R3HDM2: variants seen among roughly 807,000 people sequenced by gnomAD.
R3HDM2 encodes R3H domain containing 2, also known as R3H domain-containing protein 2.
R3HDM2 carries 38 observed loss-of-function variants against 124.5 expected under a neutral mutation model. That is an observed-to-expected ratio of 0.31 (90% CI 0.24 to 0.40). The LOEUF (loss-of-function observed/expected upper bound fraction) is 0.40. Ranked by LOEUF, R3HDM2 falls within the 10% of genes least tolerant of loss-of-function variation. The pLI is 1.00. For synonymous variants in R3HDM2, 391 were observed against 448.0 expected, an observed-to-expected ratio of 0.87 and a Z score of 1.61; for missense variants, 869 against 1,236.9, an observed-to-expected ratio of 0.70 and a Z score of 4.46.
At chr12:57,289,939 G>A (rs1018094053) in intron 11 of R3HDM2, among the ~76,000 whole-genome samples, 2 of 152,180 alleles carry the variant, frequency 1.3e-5, no homozygotes, top group African/African-American at 4.8e-5. Context: ...GAGTATGATG[G>A]GCTTTGGCCA....
At chr12:57,272,559 G>T (rs578079404) in intron 14 of R3HDM2, 2 of 1,464,618 alleles carry the variant, frequency 1.4e-6, no homozygotes, top group South Asian at 1.3e-5. Context: ...GACTGGCTGT[G>T]GGCCAGCAGA....
At position 57,295,381 on chromosome 12, in the gene R3HDM2, C is replaced by G; in HGVS notation, c.810+18G>C. 2 of 1,515,362 alleles carry G rather than the reference C, an allele frequency of 1.3e-6. No individual in the cohort carries two copies. The highest frequency in any genetic ancestry group is 1.2e-5 in the South Asian group (1 of 83,338). The allele number at this position is 1,515,362 out of a possible 1,614,324, so 93.9% of individuals were successfully genotyped here. On this transcript the variant is annotated intron_variant, in intron 10 of 23. Transcript: ENST00000402412. ...ACTGCAAACTCTCTATATAGGCCCA[C>G]CCCTTTCCATTCTTCACCTGGTTAT...
At chr12:57,405,122 G>C (rs1400777320) in intron 1 of R3HDM2, among the ~76,000 whole-genome samples, 1 of 151,802 alleles carries the variant, frequency 6.6e-6, no homozygotes, top group African/African-American at 2.4e-5. Context: ...CAACCTCCTG[G>C]GCTCGAGTAA....
intron 3 of R3HDM2, 101 bp downstream of exon 3, chr12:57,310,163 T>C: frequency 1.2e-6 from 1 of 809,630 alleles, no homozygotes; most frequent in Non-Finnish European, 1.8e-6. Flanking sequence ...TGGGCCCTAA[T>C]TGTGCCACTG....
chr12:57,287,767 T>G (rs2047667447), intron 12 of R3HDM2, among the ~76,000 whole-genome samples: 1 of 152,174 alleles, frequency 6.6e-6, no homozygotes, highest in Non-Finnish European at 1.5e-5. Flanking sequence ...TTGGGAAGAA[T>G]ATACTTAAAA....
chr12:57,340,339 A>G (rs2136944266), intron 2 of R3HDM2, among the ~76,000 whole-genome samples: 1 of 152,292 alleles, frequency 6.6e-6, no homozygotes, highest in East Asian at 1.9e-4. Context: ...GTTTCCTGAA[A>G]AGCTAGCAAG....
intron 10 of R3HDM2, among the ~76,000 whole-genome samples, 197 bp from the exon 11 acceptor site, chr12:57,292,864 G>A (rs1013865608): frequency 6.6e-6 from 1 of 152,092 alleles, no homozygotes; most frequent in African/African-American, 2.4e-5. Flanking sequence ...AGGTTTTCTG[G>A]ATGGCTGGGG....
chr12:57,269,619 T>G, intron 15 of R3HDM2, 133 bp downstream of exon 15: 4 of 1,469,028 alleles, frequency 2.7e-6, no homozygotes, highest in Non-Finnish European at 3.7e-6. Flanking sequence ...GAAGACTTTC[T>G]GGCTAGAACA....
intron 2 of R3HDM2, among the ~76,000 whole-genome samples, chr12:57,348,382 C>T (rs1041212054): frequency 6.6e-6 from 1 of 151,802 alleles, no homozygotes; most frequent in Non-Finnish European, 1.5e-5. Flanking sequence ...GCCTGGGCAA[C>T]TAGTGAAACC....
intron 14 of R3HDM2, among the ~76,000 whole-genome samples, chr12:57,278,039 G>A (rs950071532): frequency 1.3e-5 from 2 of 152,172 alleles, no homozygotes; most frequent in African/African-American, 4.8e-5. Context: ...GTGAGATGGT[G>A]GGATAATTTT....
intron 19 of R3HDM2, among the ~76,000 whole-genome samples, chr12:57,261,251 G>A (rs980161056): frequency 9.2e-5 from 14 of 152,164 alleles, no homozygotes; most frequent in Admixed American, 6.5e-4. Flanking sequence ...AGAGTCTAAT[G>A]TAAAAATAAT....
chr12:57,375,411 T>C (rs1310381215), intron 2 of R3HDM2, among the ~76,000 whole-genome samples: 1 of 152,176 alleles, frequency 6.6e-6, no homozygotes, highest in Non-Finnish European at 1.5e-5. Context: ...AACCAACATA[T>C]AATCAGATGA....
chr12:57,372,169 C>A (rs1363269948), intron 2 of R3HDM2, among the ~76,000 whole-genome samples: 6 of 152,086 alleles, frequency 3.9e-5, no homozygotes, highest in Admixed American at 3.9e-4. Flanking sequence ...ACCCAGCCAA[C>A]TGTGGCCTGT....
intron 1 of R3HDM2, among the ~76,000 whole-genome samples, chr12:57,415,604 A>G (rs1168893722): frequency 6.6e-6 from 1 of 150,926 alleles, no homozygotes; most frequent in East Asian, 1.9e-4. Context: ...AAGCAGAAAG[A>G]TTCCTTTACA....
intron 19 of R3HDM2, among the ~76,000 whole-genome samples, chr12:57,263,771 C>A (rs942815176): frequency 9.9e-5 from 15 of 152,026 alleles, no homozygotes; most frequent in Admixed American, 8.5e-4. Context: ...CCATGCCTGG[C>A]CTGGAAGTCA....
chr12:57,279,836 T>C (rs530185440), intron 14 of R3HDM2, among the ~76,000 whole-genome samples: 14 of 152,210 alleles, frequency 9.2e-5, no homozygotes, highest in Non-Finnish European at 1.6e-4. Context: ...TACAGCCCTT[T>C]TGAGTCATGG....
At chr12:57,392,013 AT>A (rs1339823756) in intron 2 of R3HDM2, among the ~76,000 whole-genome samples, 2 of 152,186 alleles carry the variant, frequency 1.3e-5, no homozygotes, top group Non-Finnish European at 2.9e-5. Context: ...AATACAAAAA[AT>A]TAGCCAGGTG....
At chr12:57,417,009 G>C (rs2069690327) in intron 1 of R3HDM2, among the ~76,000 whole-genome samples, 1 of 151,420 alleles carries the variant, frequency 6.6e-6, no homozygotes, top group Non-Finnish European at 1.5e-5. Flanking sequence ...TCAGGAAGCT[G>C]AGGCAGGCTG....
At position 57,375,981 on chromosome 12, in the gene R3HDM2, G is replaced by A. The variant is rs552343207; in HGVS notation, c.-36+19768C>T. The stretch of plus-strand genomic sequence containing the variant: ...GCCACCATGCCCAGCCAGATCAGCT[G>A]CTTTCTAACCCCTCTCCATCAACCA... On this transcript the variant is annotated intron_variant, in intron 2 of 23. Transcript: ENST00000402412. Among the ~76,000 whole-genome samples, 3 of 152,268 alleles carry A rather than the reference G, an allele frequency of 2.0e-5. No homozygotes were observed. In the South Asian group the frequency reaches 6.2e-4, roughly 32 times the overall value.
Sources: gnomAD v4.1 joint callset for allele counts (sites outside exome capture counted in the v4.1 genomes callset) on GRCh38, gnomAD v4.1.1 for gene constraint, MANE v1.5 for transcripts, NCBI Gene and HGNC (gene_info 2026-07-23, HGNC 2026-07-21) for gene names.